Variants in EVL observed in about 807,000 individuals in gnomAD.
EVL encodes ena/VASP-like protein.
A neutral mutation model predicts 59.6 loss-of-function variants in EVL; 21 were observed. That is an observed-to-expected ratio of 0.35 (90% confidence interval 0.25 to 0.51). The LOEUF is 0.51. EVL is among the 20% of genes least tolerant of loss of function. The pLI is 0.97. For missense variants in EVL, 462 were observed against 546.6 expected, an observed-to-expected ratio of 0.85 and a Z score of 1.54; for synonymous variants, 198 against 203.5, an observed-to-expected ratio of 0.97 and a Z score of 0.23.
rs143237444 is a variant in EVL, at chr14:100,031,400, T to C, written c.6-53287T>C. Reference sequence around the variant, plus strand: ...GTCACATAACTTCATTGGGATAAAATAGGAATAATATTTTATTTGCAGAGA... The same window carrying C: ...GTCACATAACTTCATTGGGATAAAACAGGAATAATATTTTATTTGCAGAGA... On this transcript the variant is annotated intron_variant, in intron 1 of 13. Coordinates refer to the EVL transcript ENST00000402714. Among the ~76,000 whole-genome samples the C allele has an allele frequency of 2.0e-5, 3 of 152,280 alleles. No individual in the cohort carries two copies. The East Asian group carries it at 5.8e-4, about 29-fold the overall frequency.
At position 100,084,793 on chromosome 14, in the gene EVL, A is replaced by G. The variant is rs143412382; in HGVS notation, c.118A>G (p.Ile40Val). 6.6e-5 allele frequency: 106 copies of G among 1,614,188 alleles called. No individual in the cohort carries two copies. The Middle Eastern group carries it at 9.9e-4, about 15-fold the overall frequency. Residue 40 changes from isoleucine (I) to valine (V), a missense_variant, in exon 2 of 14, where the codon ATC becomes GTC. Ile to Val is a conservative substitution (Grantham distance 29). Transcript: ENST00000392920. ...PGQQGFSRIN[I>V]YHNTASNTFR... Reference sequence around the variant, plus strand: ...CCAGCAGGGATTCAGCCGGATCAACATCTACCACAACACTGCCAGCAACAC... The same window carrying G: ...CCAGCAGGGATTCAGCCGGATCAACGTCTACCACAACACTGCCAGCAACAC...
At chr14:100,000,472 C>T (rs764067042) in intron 1 of EVL, among the ~76,000 whole-genome samples, 7 of 151,796 alleles carry the variant, frequency 4.6e-5, no homozygotes, top group Non-Finnish European at 4.4e-5. Flanking sequence ...CTCAGCCTCC[C>T]GAGCAGCTGG....
chr14:100,027,736 A>ATGAT (rs957836394), intron 1 of EVL, among the ~76,000 whole-genome samples: 15 of 152,032 alleles, frequency 9.9e-5, no homozygotes, highest in African/African-American at 3.6e-4. Flanking sequence ...GTGCAGTGGC[A>ATGAT]TGATCTCAGC....
Position 100,137,789 on chromosome 14 carries a change from C to T in EVL, c.1081C>T (p.Gln361Ter). The T allele has an allele frequency of 6.2e-7, 1 of 1,614,130 alleles. No individual in the cohort carries two copies. The highest frequency in any genetic ancestry group is 8.5e-7 in the Non-Finnish European group (1 of 1,180,036). Residue 361 changes from glutamine to a stop codon, truncating the protein, a stop_gained, in exon 11 of 14, where the codon CAG (glutamine) becomes TAG (stop). Transcript: ENST00000392920. LOFTEE classifies it high-confidence loss of function. ...CGAAGCTAAGAGCCCCCTTCAGTCG[C>T]AGCCTCACTCTAGGTACCGAACAAC... ...SPEAKSPLQS[Q>*]PHSRMKPAGS... is the part of the protein sequence containing the mutation.
chr14:100,128,590 C>A lies in EVL; in HGVS notation c.559C>A (p.Pro187Thr). ...APVSCSGPPP[P>T]PPPPVPPPPT... ...CGTCTCATGTAGTGGGCCTCCACCGCCCCCCCCACCCCCAGTCCCACCTCC... is the reference window on the plus strand; with the variant it reads ...CGTCTCATGTAGTGGGCCTCCACCGACCCCCCCACCCCCAGTCCCACCTCC... The change falls in exon 6 of 14, where the codon CCC becomes ACC. Residue 187 changes from proline (P) to threonine (T), a missense_variant. Transcript: ENST00000392920. 1 of 1,491,034 alleles carries A rather than the reference C, an allele frequency of 6.7e-7. No homozygotes were observed. The highest frequency in any genetic ancestry group is 9.2e-7 in the Non-Finnish European group (1 of 1,083,520). The allele number at this position is 1,491,034 out of a possible 1,614,324, so 92.4% of individuals were successfully genotyped here.
intron 1 of EVL, among the ~76,000 whole-genome samples, chr14:100,039,847 G>A (rs1056100793): frequency 6.6e-6 from 1 of 151,958 alleles, no homozygotes; most frequent in Non-Finnish European, 1.5e-5. Context: ...ATGCAGTGAC[G>A]CGATCATGGG....
At chr14:100,113,000 G>C (rs1887100296) in intron 3 of EVL, among the ~76,000 whole-genome samples, 1 of 152,234 alleles carries the variant, frequency 6.6e-6, no homozygotes, top group African/African-American at 2.4e-5. Flanking sequence ...TGTCAATACA[G>C]TGTATGTTAT....
intron 13 of EVL, among the ~76,000 whole-genome samples, chr14:100,143,131 G>A (rs140050764): frequency 5.6e-4 from 86 of 152,240 alleles, no homozygotes; most frequent in Non-Finnish European, 1.0e-3. Context: ...TTGGGAGGCC[G>A]GGGGTTGGAG....
At chr14:100,138,139 A>C in intron 11 of EVL, 2 of 410,966 alleles carry the variant, frequency 4.9e-6, no homozygotes, top group Non-Finnish European at 8.9e-6. Flanking sequence ...TCCCCCCACA[A>C]AGTGAGGTCT....
chr14:100,089,914 CAA>C (rs2062528075), intron 2 of EVL, among the ~76,000 whole-genome samples: 1 of 151,782 alleles, frequency 6.6e-6, no homozygotes. Flanking sequence ...GCCTGGACAA[CAA>C]AGTGATAACC....
chr14:100,053,926 C>T (rs1032547100), intron 1 of EVL, among the ~76,000 whole-genome samples: 1 of 152,036 alleles, frequency 6.6e-6, no homozygotes, highest in Admixed American at 6.6e-5. Context: ...AGAATACAGG[C>T]GTGAGCCACT....
At chr14:100,012,689 GC>G (rs1286360439) in intron 1 of EVL, among the ~76,000 whole-genome samples, 1 of 152,156 alleles carries the variant, frequency 6.6e-6, no homozygotes, top group Non-Finnish European at 1.5e-5. Context: ...TGAGGCAAGG[GC>G]CCCCCTTTCA....
intron 1 of EVL, among the ~76,000 whole-genome samples, chr14:100,079,878 G>C (rs894173851): frequency 6.6e-6 from 1 of 152,078 alleles, no homozygotes; most frequent in African/African-American, 2.4e-5. Context: ...CATCACGGAG[G>C]GCCGTGCTGC....
At chr14:100,093,323 A>T (rs2062603894) in intron 2 of EVL, among the ~76,000 whole-genome samples, 1 of 152,220 alleles carries the variant, frequency 6.6e-6, no homozygotes, top group African/African-American at 2.4e-5. Flanking sequence ...GTGCAGTATT[A>T]TTTATAATAT....
intron 1 of EVL, among the ~76,000 whole-genome samples, chr14:100,078,568 C>T (rs1204202631): frequency 1.4e-4 from 8 of 57,362 alleles, no homozygotes; most frequent in Admixed American, 8.2e-4. Flanking sequence ...TGGAGAGTGA[C>T]GGCAGGGTGG....
intron 3 of EVL, among the ~76,000 whole-genome samples, chr14:100,116,783 C>T (rs867582784): frequency 3.9e-5 from 6 of 152,308 alleles, no homozygotes; most frequent in South Asian, 4.1e-4. Flanking sequence ...CCCACAATCC[C>T]GAGATAGCCA....
intron 1 of EVL, among the ~76,000 whole-genome samples, chr14:99,995,115 C>T (rs74088210): frequency 0.055 from 8,294 of 152,130 alleles, 788 homozygotes; most frequent in African/African-American, 0.19. Context: ...TTGGTTATTA[C>T]GTGTGTTAGT....
chr14:100,113,174 C>T (rs368940687), intron 3 of EVL, among the ~76,000 whole-genome samples: 2 of 151,998 alleles, frequency 1.3e-5, no homozygotes, highest in Non-Finnish European at 2.9e-5. Flanking sequence ...AAATAGGCAA[C>T]GGCACAGAGG....
chr14:100,079,097 G>A (rs979688278), intron 1 of EVL, among the ~76,000 whole-genome samples: 6 of 152,292 alleles, frequency 3.9e-5, no homozygotes, highest in African/African-American at 7.2e-5. Context: ...GTCTTTCTCC[G>A]CAGGCCTGGG....
Sources: gnomAD v4.1 joint callset for allele counts (sites outside exome capture counted in the v4.1 genomes callset) on GRCh38, gnomAD v4.1.1 for gene constraint, MANE v1.5 for transcripts, NCBI Gene and HGNC (gene_info 2026-07-23, HGNC 2026-07-21) for gene names.